The following LRRFIP2 variants were observed in gnomAD, a reference collection of about 807,000 sequenced individuals.
LRRFIP2 encodes leucine-rich repeat flightless-interacting protein 2.
Under a neutral mutation model 125.9 loss-of-function variants are expected in LRRFIP2, and 109 were observed. The observed-to-expected ratio is 0.87, with a 90% CI of 0.74 to 1.01. LRRFIP2 has a LOEUF of 1.01. LRRFIP2 is among the 50% of genes least tolerant of loss of function. The pLI is 0.00. For missense variants in LRRFIP2, 850 were observed against 862.3 expected (o/e 0.99, Z 0.18); for synonymous variants, 291 against 293.1 (o/e 0.99, Z 0.07).
At chr3:37,174,501 T>G (rs1225402491) in intron 1 of LRRFIP2, 38 bp downstream of exon 1, 1 of 152,158 alleles carries the variant, frequency 6.6e-6, no homozygotes, top group Non-Finnish European at 1.5e-5. Flanking sequence ...AAAGACTATT[T>G]TGTATAGTGC....
At chr3:37,101,139 T>C (rs2094016081) in intron 15 of LRRFIP2, among the ~76,000 whole-genome samples, 3 of 151,062 alleles carry the variant, frequency 2.0e-5, no homozygotes, top group African/African-American at 7.3e-5. Context: ...GGGTGGACCA[T>C]GAGGTCAGGA....
Position 37,107,197 on chromosome 3 carries a change from G to T in LRRFIP2, c.714+876C>A, listed in dbSNP as rs145817384. 9.2e-5 allele frequency among the ~76,000 whole-genome samples: 14 copies of T among 152,136 alleles called. No individual in the cohort carries two copies. The East Asian group carries it at 2.7e-3, about 29-fold the overall frequency. On this transcript the variant is annotated intron_variant, in intron 13 of 27. Transcript: ENST00000336686. ...ATTACAGGCGTGAGCCACCATGCCCGGACAGGAAATGACTTTTAAAATGTA... is the reference window on the plus strand; with the variant it reads ...ATTACAGGCGTGAGCCACCATGCCCTGACAGGAAATGACTTTTAAAATGTA...
intron 4 of LRRFIP2, 152 bp from the exon 5 acceptor site, chr3:37,121,843 T>A (rs1162079621): frequency 4.1e-4 from 2 of 4,868 alleles, no homozygotes; most frequent in African/African-American, 1.1e-3. Context: ...GCCACATTCG[T>A]GTGTGTGTGT....
intron 2 of LRRFIP2, among the ~76,000 whole-genome samples, chr3:37,144,271 TG>T: frequency 6.6e-6 from 1 of 152,368 alleles, no homozygotes; most frequent in African/African-American, 2.4e-5. Flanking sequence ...GGGATAGGCC[TG>T]GGGAATGAAA....
chr3:37,088,641 G>A (rs536992738), intron 18 of LRRFIP2, among the ~76,000 whole-genome samples: 7 of 150,622 alleles, frequency 4.6e-5, no homozygotes, highest in East Asian at 2.0e-4. Context: ...GCAAGACTCC[G>A]TATCTATAAA....
At chr3:37,121,841 CGTGT>C (rs60540567) in intron 4 of LRRFIP2, 150 bp from the exon 5 acceptor site, 114,893 of 514,774 alleles carry the variant, frequency 0.22, 7,209 homozygotes, top group East Asian at 0.38. Context: ...CAGCCACATT[CGTGT>C]GTGTGTGTGT....
Position 37,103,018 on chromosome 3 carries a change from C to A in LRRFIP2, c.784-5G>T. The A allele has an allele frequency of 6.5e-7, 1 of 1,547,434 alleles. No homozygotes were observed. The highest frequency in any genetic ancestry group is 1.2e-5 in the South Asian group (1 of 82,990). ...GAAATAATCAGCGGCAGATACCTTT[C>A]GGTCAGAAAAAAAACAAGATGCTTT... On this transcript the variant is annotated splice_polypyrimidine_tract_variant and splice_region_variant and intron_variant, in intron 14 of 27. Transcript: ENST00000336686.
At chr3:37,104,497 C>T (rs1373398045) in intron 14 of LRRFIP2, among the ~76,000 whole-genome samples, 2 of 152,180 alleles carry the variant, frequency 1.3e-5, no homozygotes, top group Non-Finnish European at 1.5e-5. Context: ...ATCTCTCCAA[C>T]ATTTAATGTT....
Position 37,109,696 on chromosome 3 carries a change from G to T in LRRFIP2, c.521C>A (p.Ser174Tyr). The T allele has an allele frequency of 6.2e-7, 1 of 1,613,966 alleles. No individual in the cohort carries two copies. The highest frequency in any genetic ancestry group is 1.1e-5 in the South Asian group (1 of 91,074). Reference sequence around the variant, plus strand: ...TGCCAGAGGGTCACTGTACAGGGAAGAAGACTGCTAAGAGACAAAAACAAA... The same window carrying T: ...TGCCAGAGGGTCACTGTACAGGGAATAAGACTGCTAAGAGACAAAAACAAA... ...PTSAYYTRQS[S>Y]SLYSDPLATY... Residue 174 changes from serine to tyrosine, a missense_variant, in exon 10 of 28, where the codon TCT becomes TAT. By Grantham distance (144) the Ser-to-Tyr change is moderately radical (BLOSUM62 -2). Coordinates refer to ENST00000336686, the MANE Select transcript of LRRFIP2 (RefSeq NM_006309.4).
intron 18 of LRRFIP2, among the ~76,000 whole-genome samples, chr3:37,085,908 T>C (rs930824660): frequency 6.6e-6 from 1 of 152,038 alleles, no homozygotes; most frequent in Non-Finnish European, 1.5e-5. Flanking sequence ...ATGCTGCAAA[T>C]GATATGATCA....
chr3:37,096,838 T>C lies in LRRFIP2; in HGVS notation c.874-178A>G, dbSNP rs1464657916. 2.6e-5 allele frequency among the ~76,000 whole-genome samples: 4 copies of C among 152,210 alleles called. No homozygotes were observed. In the East Asian group the frequency reaches 7.7e-4, roughly 29 times the overall value. The stretch of plus-strand genomic sequence containing the variant: ...TAAGATAAAATGTCAGCAACTTTAA[T>C]TTTTATCCTAAGGGAGACACTGAGT... On this transcript the variant is annotated intron_variant, in intron 15 of 27. Coordinates refer to ENST00000336686, the MANE Select transcript of LRRFIP2 (RefSeq NM_006309.4).
chr3:37,136,665 G>C (rs1204430295), intron 2 of LRRFIP2, among the ~76,000 whole-genome samples: 1 of 151,878 alleles, frequency 6.6e-6, no homozygotes, highest in African/African-American at 2.4e-5. Flanking sequence ...TCAAAGAAGA[G>C]GATAGAATAT....
chr3:37,055,288 GGC>G, intron 25 of LRRFIP2, 123 bp from the exon 26 acceptor site: 1 of 576,210 alleles, frequency 1.7e-6, no homozygotes, highest in Non-Finnish European at 3.0e-6. Flanking sequence ...TACAGGGCTG[GGC>G]GCGGTGACTC....
Position 37,113,117 on chromosome 3 carries a change from G to A in LRRFIP2, c.373-137C>T, listed in dbSNP as rs552163516. The A allele has an allele frequency of 1.8e-5, 9 of 499,260 alleles. No individual in the cohort carries two copies. The South Asian group carries it at 3.0e-4, about 17-fold the overall frequency. The allele number at this position is 499,260 out of a possible 1,614,324, so 30.9% of individuals were successfully genotyped here. A position where few individuals can be genotyped will look rare whatever the true frequency, so the allele number is the denominator to read the frequency against. Reference sequence around the variant, plus strand: ...TTTACATGCAATTTATTTCCCAAAGGTTAGTAAACAATTCACTGCACTTTA... The same window carrying A: ...TTTACATGCAATTTATTTCCCAAAGATTAGTAAACAATTCACTGCACTTTA... On this transcript the variant is annotated intron_variant, in intron 7 of 27. Coordinates refer to ENST00000336686, the MANE Select transcript of LRRFIP2 (RefSeq NM_006309.4).
intron 2 of LRRFIP2, among the ~76,000 whole-genome samples, chr3:37,130,726 T>A (rs188611882): frequency 6.6e-5 from 10 of 152,342 alleles, no homozygotes; most frequent in Admixed American, 6.5e-4. Flanking sequence ...AGTTATCAAA[T>A]CACAGTGATT....
intron 2 of LRRFIP2, among the ~76,000 whole-genome samples, chr3:37,129,525 T>TTTG (rs2095372346): frequency 6.6e-6 from 1 of 152,198 alleles, no homozygotes; most frequent in African/African-American, 2.4e-5. Flanking sequence ...ACACTGCCAA[T>TTTG]AATCAGTCTC....
intron 2 of LRRFIP2, chr3:37,134,742 G>A: frequency 2.6e-6 from 2 of 781,158 alleles, no homozygotes; most frequent in East Asian, 5.8e-5. Flanking sequence ...AGTTGAGGAT[G>A]GTATGTTTCA....
intron 2 of LRRFIP2, among the ~76,000 whole-genome samples, chr3:37,147,491 C>G (rs1178151699): frequency 6.6e-6 from 1 of 152,152 alleles, no homozygotes; most frequent in Non-Finnish European, 1.5e-5. Flanking sequence ...ATAGTAATAT[C>G]ACAATTTCTT....
At chr3:37,147,387 A>AAAT (rs2095882897) in intron 2 of LRRFIP2, among the ~76,000 whole-genome samples, 1 of 152,232 alleles carries the variant, frequency 6.6e-6, no homozygotes, top group Non-Finnish European at 1.5e-5. Context: ...TTATAAAAAT[A>AAAT]CCTGCACATG....
Sources: allele counts gnomAD v4.1 joint callset (sites outside exome capture counted in the v4.1 genomes callset), GRCh38; gene constraint gnomAD v4.1.1; transcripts MANE v1.5; gene names NCBI Gene and HGNC (gene_info 2026-07-23, HGNC 2026-07-21).